The following FAT4 variants were observed in gnomAD, a reference collection of about 807,000 sequenced individuals.
The protein encoded by FAT4 is protocadherin Fat 4.
FAT4 carries 84 observed loss-of-function variants against 303.9 expected under a neutral mutation model. That is an observed-to-expected ratio of 0.28 (90% confidence interval 0.23 to 0.33). The LOEUF is 0.33. Ranked by LOEUF, FAT4 falls within the 10% of genes least tolerant of loss-of-function variation. The pLI, the probability that FAT4 is intolerant of heterozygous loss-of-function variation, is 1.00. For synonymous variants in FAT4, 2,307 were observed against 2,298.8 expected, an observed-to-expected ratio of 1.00 and a Z score of -0.10; for missense variants, 6,005 against 6,146.8, an observed-to-expected ratio of 0.98 and a Z score of 0.77.
rs761320064 is a variant in FAT4 at position 125,451,903 on chromosome 4, C to G, written c.10893C>G (p.Pro3631=). The G allele has an allele frequency of 4.3e-6, 7 of 1,614,002 alleles. No individual in the cohort carries two copies. The highest frequency in any genetic ancestry group is 4.2e-6 in the Non-Finnish European group (5 of 1,179,994). The change falls in exon 10 of 18, where the codon CCC becomes CCG. Residue 3631 remains proline, a synonymous_variant. Coordinates refer to ENST00000394329, the MANE Select transcript of FAT4 (RefSeq NM_001291303.3). ...IFVNYYGNLF[P]GGILGSVKPQ... is the part of the protein sequence containing the mutation. ...TTAATTATTATGGTAACTTGTTTCC[C>G]GGTGGGATTTTAGGCTCTGTGAAGC...
intron 2 of FAT4, among the ~76,000 whole-genome samples, chr4:125,363,382 A>G (rs562262584): frequency 6.6e-6 from 1 of 151,986 alleles, no homozygotes; most frequent in South Asian, 2.1e-4. Context: ...CTCGTTTTAG[A>G]GTGATGTACT....
intron 5 of FAT4, among the ~76,000 whole-genome samples, chr4:125,413,654 C>T (rs1734931178): frequency 6.8e-6 from 1 of 147,778 alleles, no homozygotes; most frequent in African/African-American, 2.5e-5. Context: ...AGAAAAAAAT[C>T]TCATACTCAA....
At chr4:125,485,270 TTA>T (rs1191444383) in intron 16 of FAT4, among the ~76,000 whole-genome samples, 1 of 23,386 alleles carries the variant, frequency 4.3e-5, no homozygotes, top group Non-Finnish European at 8.2e-5. Flanking sequence ...TGTAACTCTT[TTA>T]GTTTATAAAC....
intron 2 of FAT4, among the ~76,000 whole-genome samples, chr4:125,351,992 A>T (rs186057683): frequency 0.016 from 2,493 of 151,812 alleles, 26 homozygotes; most frequent in Middle Eastern, 0.044. Context: ...GAAGCATTTT[A>T]TAGTGGAATT....
chr4:125,425,469 A>G (rs1187811547), intron 7 of FAT4, among the ~76,000 whole-genome samples: 1 of 152,114 alleles, frequency 6.6e-6, no homozygotes, highest in Non-Finnish European at 1.5e-5. Flanking sequence ...TAAAGAGAAC[A>G]TTGGTTTAGG....
chr4:125,466,562 A>G (rs1218720715), intron 11 of FAT4, among the ~76,000 whole-genome samples: 1 of 150,996 alleles, frequency 6.6e-6, no homozygotes, highest in Admixed American at 6.6e-5. Context: ...ATAAATATTA[A>G]ATATAGATGC....
At position 125,452,656 on chromosome 4, in the gene FAT4, A is replaced by G. The variant is rs766205213; in HGVS notation, c.11646A>G (p.Leu3882=). 1 of 1,614,104 alleles carries G rather than the reference A, an allele frequency of 6.2e-7. No homozygotes were observed. Among genetic ancestry groups the G allele is most frequent in the Non-Finnish European group, 8.5e-7 (1 of 1,180,022 alleles). ...PCHSGGTCHN[L]VGGFSCSCPD... ...ACAGTGGTGGAACCTGTCACAATTT[A>G]GTGGGAGGATTTTCATGCAGCTGCC... The change falls in exon 10 of 18, where the codon TTA becomes TTG. Residue 3882 remains leucine (L), a synonymous_variant. Coordinates refer to ENST00000394329, the MANE Select transcript of FAT4 (RefSeq NM_001291303.3).
rs267600011 is a variant in FAT4, at chr4:125,449,373, C to G, written c.8363C>G (p.Pro2788Arg). Residue 2788 changes from proline (P) to arginine (R), a missense_variant, in exon 10 of 18, where the codon CCC (proline) becomes CGC (arginine). By Grantham distance (103) the Pro-to-Arg change is moderately radical. Transcript: ENST00000394329. ...IFSAHVPENSPLGYTVTRVTT... is the reference protein window; with the variant it reads ...IFSAHVPENSRLGYTVTRVTT... ...AGTGCCCATGTTCCTGAAAATTCCCCCTTAGGATACACAGTTACCCGTGTC... is the reference window on the plus strand; with the variant it reads ...AGTGCCCATGTTCCTGAAAATTCCCGCTTAGGATACACAGTTACCCGTGTC... 6.2e-7 allele frequency: 1 copy of G among 1,613,686 alleles called. No individual in the cohort carries two copies. The highest frequency in any genetic ancestry group is 8.5e-7 in the Non-Finnish European group (1 of 1,179,850).
intron 16 of FAT4, among the ~76,000 whole-genome samples, chr4:125,483,285 TAAAG>T (rs1306971751): frequency 6.6e-6 from 1 of 152,088 alleles, no homozygotes; most frequent in Non-Finnish European, 1.5e-5. Context: ...GTAAACAAAG[TAAAG>T]AAGCAAAAAA....
rs772443540 is a variant in FAT4, at chr4:125,317,776, C to G, written c.1365C>G (p.Arg455=). The part of the protein sequence containing the change: ...GAPPGAAVQA[R]SSVASLVIFV... ...CCCCTGGCGCAGCAGTCCAGGCGCG[C>G]TCTTCTGTGGCAAGCCTGGTGATTT... Residue 455 remains arginine, a synonymous_variant, in exon 2 of 18, where the codon CGC becomes CGG. Coordinates refer to ENST00000394329, the MANE Select transcript of FAT4 (RefSeq NM_001291303.3). The surrounding 1 kb of genome is among the most constrained non-coding windows in gnomAD (Gnocchi z 7.0). The G allele has an allele frequency of 1.2e-6, 2 of 1,614,082 alleles. No homozygotes were observed. The highest frequency in any genetic ancestry group is 2.7e-5 in the African/African-American group (2 of 74,956).
chr4:125,386,877 C>G (rs1733770383), intron 2 of FAT4, among the ~76,000 whole-genome samples: 1 of 151,998 alleles, frequency 6.6e-6, no homozygotes, highest in Admixed American at 6.6e-5. Context: ...TTTTTGGTAC[C>G]AGGGACCAGT....
chr4:125,323,952 T>C (rs1398706408), intron 2 of FAT4, among the ~76,000 whole-genome samples: 1 of 152,124 alleles, frequency 6.6e-6, no homozygotes, highest in Non-Finnish European at 1.5e-5. Flanking sequence ...GAGAAACAAT[T>C]TCATCTGCAT....
At chr4:125,336,327 A>T (rs2125963166) in intron 2 of FAT4, among the ~76,000 whole-genome samples, 1 of 152,192 alleles carries the variant, frequency 6.6e-6, no homozygotes, top group South Asian at 2.1e-4. Context: ...ATTTATTTTA[A>T]GTAAACTACA....
chr4:125,487,961 A>C (rs1181332575), intron 17 of FAT4, among the ~76,000 whole-genome samples: 3 of 152,092 alleles, frequency 2.0e-5, no homozygotes, highest in Admixed American at 2.0e-4. Context: ...ATTCACAGCC[A>C]CTCTCTTCAT....
intron 2 of FAT4, among the ~76,000 whole-genome samples, chr4:125,388,913 T>G (rs1480491525): frequency 4.6e-5 from 7 of 152,188 alleles, no homozygotes; most frequent in Non-Finnish European, 1.0e-4. Flanking sequence ...TCATACATAT[T>G]TCTTCTTAGT....
chr4:125,481,509 T>A lies in FAT4; in HGVS notation c.12605-12T>A, dbSNP rs1727226045. ...AATGCATTCATTTTCCCTTTTTTCC[T>A]TTGACTTCCAGCTGTTACTCCTGAC... On this transcript the variant is annotated splice_polypyrimidine_tract_variant and intron_variant, in intron 15 of 17. Coordinates refer to ENST00000394329, the MANE Select transcript of FAT4 (RefSeq NM_001291303.3). The A allele has an allele frequency of 1.9e-6, 3 of 1,612,828 alleles. No individual in the cohort carries two copies. The highest frequency in any genetic ancestry group is 2.5e-6 in the Non-Finnish European group (3 of 1,179,310).
At chr4:125,411,610 G>T (rs563360111) in intron 5 of FAT4, among the ~76,000 whole-genome samples, 2 of 151,482 alleles carry the variant, frequency 1.3e-5, no homozygotes, top group Non-Finnish European at 3.0e-5. Context: ...TATGTGAAAA[G>T]TTGACAAATA....
intron 8 of FAT4, among the ~76,000 whole-genome samples, chr4:125,441,411 A>G (rs1725656133): frequency 6.6e-6 from 1 of 152,186 alleles, no homozygotes; most frequent in Admixed American, 6.5e-5. Context: ...GCATTAGAGA[A>G]AGAAAGTATT....
At chr4:125,347,136 C>G (rs1003980523) in intron 2 of FAT4, among the ~76,000 whole-genome samples, 4 of 151,458 alleles carry the variant, frequency 2.6e-5, no homozygotes. Context: ...TATAAGAATA[C>G]TAATACTAAT....
Sources: allele counts gnomAD v4.1 joint callset (sites outside exome capture counted in the v4.1 genomes callset), GRCh38; gene constraint gnomAD v4.1.1; non-coding constraint Gnocchi (gnomAD v3.1); transcripts MANE v1.5; gene names NCBI Gene and HGNC (gene_info 2026-07-23, HGNC 2026-07-21).